The following CAMK1D variants were observed in gnomAD, a reference collection of about 807,000 sequenced individuals.
CAMK1D encodes the protein calcium/calmodulin-dependent protein kinase type 1D.
In CAMK1D, 9 loss-of-function variants were observed where a neutral mutation model predicts 47.7. The ratio of observed to expected loss-of-function variants is 0.19; its 90% CI spans 0.11 to 0.33. The LOEUF (loss-of-function observed/expected upper bound fraction) is 0.33, where lower values mean the gene tolerates loss of function less well. Ranked by LOEUF, CAMK1D falls within the 10% of genes least tolerant of loss-of-function variation. The probability of loss-of-function intolerance (pLI) is 1.00; values close to 1 mark genes in which losing one functional copy is unlikely to be tolerated. For missense variants in CAMK1D, 291 were observed against 488.7 expected (o/e 0.60, Z 3.81); for synonymous variants, 184 against 184.9 (o/e 0.99, Z 0.04).
chr10:12,658,573 C>T (rs1431555478), intron 2 of CAMK1D, among the ~76,000 whole-genome samples: 2 of 152,122 alleles, frequency 1.3e-5, no homozygotes, highest in African/African-American at 2.4e-5. Flanking sequence ...CACCCTGGCC[C>T]ACCATGTCCC....
intron 1 of CAMK1D, among the ~76,000 whole-genome samples, chr10:12,379,213 A>T (rs1370969907): frequency 6.6e-6 from 1 of 152,202 alleles, no homozygotes; most frequent in African/African-American, 2.4e-5. Context: ...TTTCTCAGTC[A>T]ATGGATCTTA....
intron 2 of CAMK1D, among the ~76,000 whole-genome samples, chr10:12,666,433 G>A (rs1481143453): frequency 6.6e-6 from 1 of 152,196 alleles, no homozygotes; most frequent in Non-Finnish European, 1.5e-5. Flanking sequence ...AGCCCTCTGA[G>A]TTGGGCTCTA....
chr10:12,830,326 A>G lies in CAMK1D; in HGVS notation c.*1439A>G, dbSNP rs1277611288. 1 of 152,252 alleles carries G rather than the reference A, an allele frequency of 6.6e-6. No homozygotes were observed. The highest frequency in any genetic ancestry group is 2.4e-5 in the African/African-American group (1 of 41,442). 9.4% of individuals were successfully genotyped at this position (152,252 alleles called of 1,614,324 possible). ...GAAGGGAGGGAAGCAGCCTTGGGAA[A>G]GGATCCATTTCTGGTGGTAAGGAGA... On this transcript the variant is annotated 3_prime_UTR_variant, in exon 11 of 11. Coordinates refer to ENST00000619168, the MANE Select transcript of CAMK1D (RefSeq NM_153498.4).
chr10:12,749,457 AAAAAAAAG>A (rs2130869374), intron 3 of CAMK1D, among the ~76,000 whole-genome samples: 1 of 151,604 alleles, frequency 6.6e-6, no homozygotes, highest in African/African-American at 2.4e-5. Context: ...AAAAAAAAAA[AAAAAAAAG>A]AAATCCATTG....
chr10:12,691,590 G>A (rs140746756), intron 3 of CAMK1D, among the ~76,000 whole-genome samples: 1,897 of 150,940 alleles, frequency 0.013, 20 homozygotes, highest in Middle Eastern at 0.058. Flanking sequence ...CCACCAGCAC[G>A]TCCAGCTCAT....
At chr10:12,517,697 G>A (rs998259659) in intron 1 of CAMK1D, among the ~76,000 whole-genome samples, 7 of 151,962 alleles carry the variant, frequency 4.6e-5, no homozygotes, top group East Asian at 3.9e-4. Context: ...TGTTGAACCC[G>A]CTTTGTATTC....
At chr10:12,764,742 G>C (rs144538550) in intron 4 of CAMK1D, among the ~76,000 whole-genome samples, 2 of 152,088 alleles carry the variant, frequency 1.3e-5, no homozygotes, top group African/African-American at 4.8e-5. Flanking sequence ...GAGCATTCCC[G>C]CCCCTTTTCT....
At chr10:12,669,988 C>T (rs188914098) in intron 3 of CAMK1D, among the ~76,000 whole-genome samples, 26 of 152,066 alleles carry the variant, frequency 1.7e-4, no homozygotes, top group African/African-American at 5.8e-4. Flanking sequence ...TTGCTGTGAA[C>T]GTTCACGTAC....
intron 1 of CAMK1D, among the ~76,000 whole-genome samples, chr10:12,508,838 C>T (rs1198063777): frequency 3.3e-5 from 5 of 152,120 alleles, no homozygotes; most frequent in East Asian, 1.9e-4. Flanking sequence ...CATGAAAATG[C>T]GGTGTCCTTC....
intron 4 of CAMK1D, among the ~76,000 whole-genome samples, chr10:12,766,803 C>T (rs890531857): frequency 2.6e-5 from 4 of 152,080 alleles, no homozygotes; most frequent in Admixed American, 1.3e-4. Flanking sequence ...TGGGGGGATT[C>T]TCCAACGTAG....
In CAMK1D at chr10:12,615,347, ATTAAT is replaced by A. The variant is rs907688832; in HGVS notation, c.225-51385_225-51381del. Reference sequence around the variant, plus strand: ...CTAAATAAGAAAATATATTGGAGTAATTAATTTACTCAAGTATAGGTTCTGGAAGG... The same window carrying A: ...CTAAATAAGAAAATATATTGGAGTAATTACTCAAGTATAGGTTCTGGAAGG... On this transcript the variant is annotated intron_variant, in intron 2 of 10. Transcript: ENST00000619168. 3.3e-5 allele frequency among the ~76,000 whole-genome samples: 5 copies of A among 152,188 alleles called. No individual in the cohort carries two copies. In the East Asian group the frequency reaches 7.7e-4, roughly 23 times the overall value.
chr10:12,703,535 G>T (rs4301696), intron 3 of CAMK1D, among the ~76,000 whole-genome samples: 2,373 of 152,260 alleles, frequency 0.016, 25 homozygotes, highest in Non-Finnish European at 0.026. Context: ...CTGTCAAACA[G>T]CAGCAGCACC....
intron 1 of CAMK1D, among the ~76,000 whole-genome samples, chr10:12,468,646 A>G (rs946093310): frequency 2.8e-4 from 43 of 152,210 alleles, no homozygotes; most frequent in African/African-American, 9.4e-4. Flanking sequence ...GGGAGGGGCC[A>G]GCCCTCTGGT....
intron 2 of CAMK1D, among the ~76,000 whole-genome samples, chr10:12,583,932 A>T (rs187736797): frequency 6.6e-6 from 1 of 152,202 alleles, no homozygotes; most frequent in East Asian, 1.9e-4. Context: ...TGTGAGTGTA[A>T]TTGTACTAGC....
intron 1 of CAMK1D, among the ~76,000 whole-genome samples, chr10:12,418,332 A>T (rs1444471600): frequency 6.6e-6 from 1 of 152,230 alleles, no homozygotes; most frequent in Non-Finnish European, 1.5e-5. Flanking sequence ...TGGGCTGGGC[A>T]TCTGGCTCAT....
At chr10:12,723,649 A>G (rs1263885781) in intron 3 of CAMK1D, among the ~76,000 whole-genome samples, 1 of 152,210 alleles carries the variant, frequency 6.6e-6, no homozygotes, top group Non-Finnish European at 1.5e-5. Context: ...ATGTAAATTG[A>G]AAGGCATTTT....
At position 12,699,976 on chromosome 10, in the gene CAMK1D, C is replaced by G. The variant is rs148133012; in HGVS notation, c.299+33166C>G. Among the ~76,000 whole-genome samples the G allele has an allele frequency of 1.5e-3, 224 of 151,736 alleles. 1 individual carries two copies. In the Middle Eastern group the frequency reaches 0.017, roughly 12 times the overall value. Reference sequence around the variant, plus strand: ...TCCTGTCTAAACATGTTGTAGCAAGCTAGTACACATTTATTTTGGTGCAAA... The same window carrying G: ...TCCTGTCTAAACATGTTGTAGCAAGGTAGTACACATTTATTTTGGTGCAAA... On this transcript the variant is annotated intron_variant, in intron 3 of 10. Coordinates refer to ENST00000619168, the MANE Select transcript of CAMK1D (RefSeq NM_153498.4).
intron 5 of CAMK1D, among the ~76,000 whole-genome samples, chr10:12,787,515 C>A (rs1356878623): frequency 6.6e-6 from 1 of 152,176 alleles, no homozygotes; most frequent in Non-Finnish European, 1.5e-5. Flanking sequence ...AGGCAGGAAG[C>A]CTGCTCTGCG....
chr10:12,533,883 A>C (rs1404394906), intron 1 of CAMK1D, among the ~76,000 whole-genome samples: 4 of 152,226 alleles, frequency 2.6e-5, no homozygotes, highest in Non-Finnish European at 5.9e-5. Context: ...ACCATTAGAA[A>C]GAAACGTCAT....
Sources: allele counts gnomAD v4.1 joint callset (sites outside exome capture counted in the v4.1 genomes callset), GRCh38; gene constraint gnomAD v4.1.1; transcripts MANE v1.5; gene names NCBI Gene and HGNC (gene_info 2026-07-23, HGNC 2026-07-21).